ADGRG2: variants seen among roughly 807,000 people sequenced by gnomAD.
ADGRG2 encodes adhesion G protein-coupled receptor G2, also known as G protein-coupled receptor 64.
In ADGRG2, 26 loss-of-function variants were observed where a neutral mutation model predicts 74.1. That is an observed-to-expected ratio of 0.35 (90% CI 0.26 to 0.49). The LOEUF is 0.49. ADGRG2 is among the 20% of genes least tolerant of loss of function. ADGRG2 has a pLI of 0.99. For synonymous variants in ADGRG2, 296 were observed against 295.2 expected (o/e 1.00, Z -0.03); for missense variants, 619 against 763.1 (o/e 0.81, Z 2.22).
intron 3 of ADGRG2, among the ~76,000 whole-genome samples, chrX:19,057,982 C>G (rs954673384): frequency 4.5e-5 from 5 of 112,224 alleles, no homozygotes; most frequent in Non-Finnish European, 9.4e-5. Flanking sequence ...AACAATCTTA[C>G]TTAAATAAAT....
At chrX:18,995,456 C>T (rs911988444) in intron 27 of ADGRG2, among the ~76,000 whole-genome samples, 2 of 111,104 alleles carry the variant, frequency 1.8e-5, no homozygotes, top group East Asian at 2.8e-4. Context: ...ACTCCCGTGT[C>T]GCCCAGATAC....
At chrX:19,011,271 G>A (rs1449532129) in intron 16 of ADGRG2, among the ~76,000 whole-genome samples, 1 of 111,562 alleles carries the variant, frequency 9.0e-6, no homozygotes, top group Non-Finnish European at 1.9e-5. Flanking sequence ...GGACACAAGG[G>A]AACTTTGGGA....
intron 1 of ADGRG2, among the ~76,000 whole-genome samples, chrX:19,115,744 G>T (rs867282736): frequency 1.9e-4 from 21 of 110,883 alleles, no homozygotes; most frequent in African/African-American, 6.9e-4. Context: ...ATCACTTGAG[G>T]CTAGGAGTTC....
At chrX:19,072,309 T>C (rs2061667828) in intron 2 of ADGRG2, among the ~76,000 whole-genome samples, 1 of 111,146 alleles carries the variant, frequency 9.0e-6, no homozygotes, top group Admixed American at 9.6e-5. Flanking sequence ...GTCAAGGTCA[T>C]TCAGCTATTT....
intron 28 of ADGRG2, among the ~76,000 whole-genome samples, chrX:18,993,409 A>G (rs2059957111): frequency 1.8e-5 from 2 of 110,367 alleles, no homozygotes; most frequent in Non-Finnish European, 3.8e-5. Context: ...CAGGCCGGGC[A>G]CAGTGGCTCA....
At chrX:19,085,121 G>A (rs2061917035) in intron 1 of ADGRG2, among the ~76,000 whole-genome samples, 1 of 111,695 alleles carries the variant, frequency 9.0e-6, no homozygotes, top group Non-Finnish European at 1.9e-5. Context: ...TGTGTGTGGT[G>A]GGGGGAGCCT....
At position 19,002,522 on chromosome X, in the gene ADGRG2, T is replaced by C. The variant is rs936466454; in HGVS notation, c.2230+324A>G. 2.7e-5 allele frequency among the ~76,000 whole-genome samples: 3 copies of C among 112,033 alleles called. No individual in the cohort carries two copies. The Admixed American group carries it at 2.8e-4, about 11-fold the overall frequency. On this transcript the variant is annotated intron_variant, in intron 24 of 28. Coordinates refer to ENST00000379869, the MANE Select transcript of ADGRG2 (RefSeq NM_001079858.3). ...TTTACCACCAAGCTAATGTTTTCAA[T>C]ATATTACCACCCCAAGCTAATGTTT...
At chrX:19,075,606 A>G (rs1463522778) in intron 2 of ADGRG2, among the ~76,000 whole-genome samples, 1 of 94,327 alleles carries the variant, frequency 1.1e-5, no homozygotes, top group African/African-American at 4.0e-5. Context: ...CAACAGAGCA[A>G]GACTTCGCCT....
intron 2 of ADGRG2, among the ~76,000 whole-genome samples, chrX:19,078,206 G>C (rs1266172844): frequency 2.7e-5 from 3 of 112,213 alleles, no homozygotes; most frequent in African/African-American, 6.5e-5. Flanking sequence ...CAAAAAGTTA[G>C]ATGTGTTATT....
chrX:19,057,755 G>A (rs760788641), intron 3 of ADGRG2, among the ~76,000 whole-genome samples: 7 of 111,259 alleles, frequency 6.3e-5, no homozygotes, highest in Admixed American at 1.9e-4. Context: ...TGGGAGGTGC[G>A]CTTGAGCCCA....
chrX:19,104,916 CAAAAAAAAAA>C (rs1001242331), intron 1 of ADGRG2, among the ~76,000 whole-genome samples: 2 of 23,355 alleles, frequency 8.6e-5, no homozygotes, highest in African/African-American at 2.9e-4. Context: ...GACTCTGTCT[CAAAAAAAAAA>C]AAAAAAAAAA....
chrX:19,024,720 G>A (rs757216262), intron 11 of ADGRG2, among the ~76,000 whole-genome samples: 1 of 112,289 alleles, frequency 8.9e-6, no homozygotes, highest in Non-Finnish European at 1.9e-5. Flanking sequence ...CAGCCTGCTG[G>A]AAGTCAAGAG....
intron 7 of ADGRG2, 59 bp downstream of exon 7, chrX:19,035,883 G>A: frequency 8.0e-6 from 5 of 621,710 alleles, no homozygotes; most frequent in Non-Finnish European, 1.3e-5. Flanking sequence ...GACTGCACAA[G>A]CAAGACACTC....
chrX:19,069,887 A>G (rs1602053353), intron 2 of ADGRG2, among the ~76,000 whole-genome samples: 1 of 112,651 alleles, frequency 8.9e-6, no homozygotes, highest in Admixed American at 9.4e-5. Flanking sequence ...ACCTTGGTGC[A>G]GGTGCAAGAG....
Position 18,999,101 on chromosome X carries a change from C to T in ADGRG2, c.2509G>A (p.Gly837Ser). Residue 837 changes from glycine (G) to serine (S), a missense_variant, in exon 26 of 29, where the codon GGC (glycine) becomes AGC (serine). Around this residue, in one of 3 missense-constraint regions of ADGRG2, gnomAD observed 221 missense variants for 340.6 expected, o/e 0.65. Transcript: ENST00000379869. ...TSIQDLRSIA[G>S]LTFLLGITWG... ...GTTATTCCCAGTAAAAATGTAAGGCCAGCGATACTCCTGAGGTCTTGAATA... is the reference window on the plus strand; with the variant it reads ...GTTATTCCCAGTAAAAATGTAAGGCTAGCGATACTCCTGAGGTCTTGAATA... 1 of 1,209,366 alleles carries T rather than the reference C, an allele frequency of 8.3e-7. No individual in the cohort carries two copies. Among genetic ancestry groups the T allele is most frequent in the South Asian group, 1.8e-5 (1 of 56,932 alleles).
At chrX:19,046,867 C>T (rs1420814464) in intron 3 of ADGRG2, among the ~76,000 whole-genome samples, 1 of 111,372 alleles carries the variant, frequency 9.0e-6, no homozygotes, top group East Asian at 2.9e-4. Flanking sequence ...ACCCTGACTT[C>T]CCCTTTCCTC....
intron 1 of ADGRG2, among the ~76,000 whole-genome samples, chrX:19,091,492 TCACACACACACACACACACACA>T (rs57540002): frequency 1.2e-4 from 10 of 82,634 alleles, no homozygotes; most frequent in South Asian, 7.4e-4. Flanking sequence ...AGATTTTATG[TCACACACACACACACACACACA>T]CACACACACA....
At chrX:19,067,588 T>C (rs2061588772) in intron 3 of ADGRG2, among the ~76,000 whole-genome samples, 1 of 112,099 alleles carries the variant, frequency 8.9e-6, no homozygotes, top group Non-Finnish European at 1.9e-5. Context: ...GATTTGGCAA[T>C]GATTTCTTTG....
intron 8 of ADGRG2, 143 bp from the exon 9 acceptor site, chrX:19,031,180 A>C: frequency 2.1e-6 from 1 of 477,784 alleles, no homozygotes; most frequent in Non-Finnish European, 3.7e-6. Flanking sequence ...GATGAATTCC[A>C]CAAAGACTAA....
Sources: gnomAD v4.1 joint callset for allele counts (sites outside exome capture counted in the v4.1 genomes callset) on GRCh38, gnomAD v4.1.1 for gene constraint, gnomAD v4.1.1 regional missense constraint, MANE v1.5 for transcripts, NCBI Gene and HGNC (gene_info 2026-07-23, HGNC 2026-07-21) for gene names.